SLC25A26: variants seen among roughly 807,000 people sequenced by gnomAD.
SLC25A26 encodes solute carrier family 25 member 26, also known as mitochondrial S-adenosylmethionine carrier protein.
In SLC25A26, 36 loss-of-function variants were observed where a neutral mutation model predicts 37.8. The observed-to-expected ratio is 0.95, with a 90% confidence interval of 0.73 to 1.26. The LOEUF is 1.26. SLC25A26 is among the 50% of genes most tolerant of loss of function. The probability of loss-of-function intolerance (pLI) is 0.00; values close to 1 mark genes in which losing one functional copy is unlikely to be tolerated. For synonymous variants in SLC25A26, 129 were observed against 122.5 expected (o/e 1.05, Z -0.35); for missense variants, 390 against 331.1 (o/e 1.18, Z -1.38).
intron 6 of SLC25A26, among the ~76,000 whole-genome samples, chr3:66,347,788 G>A (rs371902466): frequency 6.6e-6 from 1 of 152,294 alleles, no homozygotes; most frequent in East Asian, 1.9e-4. Flanking sequence ...GGAATACTAT[G>A]CAGCCATAAA....
At chr3:66,350,035 T>C (rs1487624618) in intron 6 of SLC25A26, among the ~76,000 whole-genome samples, 1 of 152,230 alleles carries the variant, frequency 6.6e-6, no homozygotes, top group African/African-American at 2.4e-5. Context: ...TTTGTAGAAG[T>C]AGACAGTTTT....
chr3:66,302,331 C>T (rs1395062457), intron 5 of SLC25A26, among the ~76,000 whole-genome samples: 6 of 152,174 alleles, frequency 3.9e-5, no homozygotes, highest in Non-Finnish European at 8.8e-5. Flanking sequence ...CTCCAGTTAT[C>T]CAAGTTTTCT....
chr3:66,251,601 G>A (rs531672714), intron 3 of SLC25A26, among the ~76,000 whole-genome samples: 5 of 152,290 alleles, frequency 3.3e-5, no homozygotes, highest in Admixed American at 6.5e-5. Flanking sequence ...GGGTCAGAAC[G>A]GGAGGGTCAG....
intron 1 of SLC25A26, among the ~76,000 whole-genome samples, chr3:66,160,025 G>A (rs1327360008): frequency 6.6e-6 from 1 of 151,742 alleles, no homozygotes; most frequent in South Asian, 2.1e-4. Flanking sequence ...TCTTTTTTGG[G>A]ACAGTCTTGC....
At chr3:66,335,171 TCTG>T (rs1211010944) in intron 5 of SLC25A26, among the ~76,000 whole-genome samples, 1 of 152,234 alleles carries the variant, frequency 6.6e-6, no homozygotes, top group African/African-American at 2.4e-5. Flanking sequence ...TGCCCTAAAT[TCTG>T]CTCCAAATTA....
chr3:66,240,033 G>A (rs1195227892), intron 2 of SLC25A26, among the ~76,000 whole-genome samples: 1 of 151,996 alleles, frequency 6.6e-6, no homozygotes, highest in African/African-American at 2.4e-5. Context: ...GTCCTGTGGT[G>A]TTATTCAAAG....
intron 3 of SLC25A26, among the ~76,000 whole-genome samples, chr3:66,261,204 C>T (rs1297727793): frequency 6.6e-6 from 1 of 152,190 alleles, no homozygotes; most frequent in Non-Finnish European, 1.5e-5. Context: ...TTGCAGACTG[C>T]TAGGTGCATA....
At chr3:66,180,015 G>C (rs1035816607) in intron 1 of SLC25A26, among the ~76,000 whole-genome samples, 1 of 142,538 alleles carries the variant, frequency 7.0e-6, no homozygotes, top group Non-Finnish European at 1.6e-5. Flanking sequence ...GCCAGGAATA[G>C]GGAGATGCAT....
chr3:66,209,016 A>G (rs1576639273), intron 1 of SLC25A26, among the ~76,000 whole-genome samples: 56 of 122,968 alleles, frequency 4.6e-4, no homozygotes, highest in East Asian at 1.5e-3. Context: ...AGGTATATAT[A>G]TATATACACA....
intron 1 of SLC25A26, among the ~76,000 whole-genome samples, chr3:66,141,516 T>A (rs1576591422): frequency 1.8e-5 from 1 of 55,328 alleles, no homozygotes; most frequent in Admixed American, 1.4e-4. Context: ...ATAGTGTGAA[T>A]TTTTTTTTTT....
At chr3:66,221,235 C>T (rs1278366047) in intron 1 of SLC25A26, 108 bp downstream of exon 1, 4 of 1,221,332 alleles carry the variant, frequency 3.3e-6, no homozygotes, top group African/African-American at 3.2e-5. Context: ...GCTGGACTGT[C>T]CTCGGGTTAC....
intron 1 of SLC25A26, among the ~76,000 whole-genome samples, chr3:66,138,056 A>G (rs2069974436): frequency 1.3e-5 from 2 of 150,786 alleles, no homozygotes; most frequent in South Asian, 4.2e-4. Context: ...TTGGTCTCGA[A>G]CTCCTGACCT....
intron 3 of SLC25A26, among the ~76,000 whole-genome samples, chr3:66,253,858 G>T (rs989462905): frequency 6.6e-6 from 1 of 152,046 alleles, no homozygotes; most frequent in Non-Finnish European, 1.5e-5. Context: ...TGAAATCATG[G>T]CTCATTTCTG....
chr3:66,221,173 G>C, intron 1 of SLC25A26, 46 bp downstream of exon 1: 1 of 1,500,290 alleles, frequency 6.7e-7, no homozygotes, highest in East Asian at 2.6e-5. Flanking sequence ...GCCGGCGTCC[G>C]GCATTGGAGC....
At chr3:66,197,691 G>A (rs1055500990) in intron 1 of SLC25A26, among the ~76,000 whole-genome samples, 1,713 of 152,176 alleles carry the variant, frequency 0.011, 33 homozygotes, top group African/African-American at 0.037. Flanking sequence ...GTGAGTTTGC[G>A]TGTCAGGTTC....
intron 5 of SLC25A26, among the ~76,000 whole-genome samples, chr3:66,317,107 A>G (rs578200204): frequency 2.6e-5 from 4 of 152,284 alleles, no homozygotes; most frequent in East Asian, 3.9e-4. Context: ...TCTTCTGTCA[A>G]TTCACCCATC....
chr3:66,224,945 C>T (rs531242765), intron 1 of SLC25A26, among the ~76,000 whole-genome samples: 1 of 152,226 alleles, frequency 6.6e-6, no homozygotes, highest in Non-Finnish European at 1.5e-5. Context: ...CCATGTCTTA[C>T]ATCCAGGTCA....
At chr3:66,214,714 A>G (rs989546116) in intron 1 of SLC25A26, among the ~76,000 whole-genome samples, 1 of 152,202 alleles carries the variant, frequency 6.6e-6, no homozygotes, top group African/African-American at 2.4e-5. Context: ...ATGTGATTAT[A>G]TACATTGCAC....
At position 66,369,048 on chromosome 3, in the gene SLC25A26, A is replaced by C. The variant is rs1399296594; in HGVS notation, c.569-430A>C. On this transcript the variant is annotated intron_variant, in intron 7 of 9. Transcript: ENST00000354883. ...TTCAAAAAAAAAAAAAAAAAACAAA[A>C]ACAAAAAAAAAAAACAAAAGACAGT... Among the ~76,000 whole-genome samples the C allele has an allele frequency of 2.2e-3, 75 of 34,568 alleles. 1 individual carries two copies. Among genetic ancestry groups the C allele is most frequent in the South Asian group, 6.4e-3 (4 of 622 alleles). 22.7% of individuals were successfully genotyped at this position (34,568 alleles called of 152,430 possible).
Sources: gnomAD v4.1 joint callset for allele counts (sites outside exome capture counted in the v4.1 genomes callset) on GRCh38, gnomAD v4.1.1 for gene constraint, MANE v1.5 for transcripts, NCBI Gene and HGNC (gene_info 2026-07-23, HGNC 2026-07-21) for gene names.